ZNF326: variants seen among roughly 807,000 people sequenced by gnomAD.
ZNF326 encodes the protein DBIRD complex subunit ZNF326.
Under a neutral mutation model 63.1 loss-of-function variants are expected in ZNF326, and 30 were observed. The observed-to-expected ratio is 0.48, with a 90% CI of 0.36 to 0.64. The LOEUF (loss-of-function observed/expected upper bound fraction) is 0.64. Ranked by LOEUF, ZNF326 falls within the 30% of genes least tolerant of loss-of-function variation. ZNF326 has a pLI of 0.00. For synonymous variants in ZNF326, 194 were observed against 228.2 expected, an observed-to-expected ratio of 0.85 and a Z score of 1.35; for missense variants, 609 against 720.3, an observed-to-expected ratio of 0.85 and a Z score of 1.77.
intron 6 of ZNF326, among the ~76,000 whole-genome samples, chr1:90,011,575 C>G (rs1347373339): frequency 7.0e-6 from 1 of 142,372 alleles, no homozygotes; most frequent in Non-Finnish European, 1.5e-5. Flanking sequence ...AAAGAACCTG[C>G]TCACAGTGAG....
At chr1:90,000,307 G>C (rs921287493) in intron 2 of ZNF326, among the ~76,000 whole-genome samples, 3 of 152,186 alleles carry the variant, frequency 2.0e-5, no homozygotes, top group African/African-American at 4.8e-5. Context: ...GCAAGATACA[G>C]ATTTTCCCCA....
chr1:90,008,167 T>C (rs1366300580), intron 5 of ZNF326, among the ~76,000 whole-genome samples: 1 of 152,218 alleles, frequency 6.6e-6, no homozygotes, highest in African/African-American at 2.4e-5. Flanking sequence ...GGCTAAACTC[T>C]AGCAAGTAGA....
chr1:90,013,043 A>C (rs886488898), intron 6 of ZNF326, 83 bp from the exon 7 acceptor site: 2 of 1,188,456 alleles, frequency 1.7e-6, no homozygotes, highest in African/African-American at 3.1e-5. Context: ...ATACCTCATA[A>C]GTATGTACTT....
intron 9 of ZNF326, 53 bp downstream of exon 9, chr1:90,018,837 A>G (rs1649623999): frequency 1.8e-6 from 2 of 1,092,956 alleles, no homozygotes; most frequent in Non-Finnish European, 2.6e-6. Context: ...TTTATATATC[A>G]TAACCTGTTT....
chr1:90,017,147 A>T (rs943092209), intron 7 of ZNF326, among the ~76,000 whole-genome samples, 170 bp from the exon 8 acceptor site: 5 of 152,222 alleles, frequency 3.3e-5, no homozygotes, highest in Admixed American at 2.0e-4. Flanking sequence ...CTGTCCAAAT[A>T]TGTACTTAAA....
intron 7 of ZNF326, among the ~76,000 whole-genome samples, chr1:90,015,516 C>CA (rs945991666): frequency 3.3e-5 from 5 of 151,978 alleles, no homozygotes; most frequent in African/African-American, 1.2e-4. Context: ...CTCATTTCTA[C>CA]AAAAAATACA....
rs138323304 is a variant in ZNF326 at position 90,005,163 on chromosome 1, A to G, written c.128A>G (p.Tyr43Cys). The G allele has an allele frequency of 4.4e-5, 71 of 1,613,908 alleles. No individual in the cohort carries two copies. The highest frequency in any genetic ancestry group is 5.3e-5 in the Non-Finnish European group (63 of 1,179,976). ...GATCGTGACTATGGCCATGGATCCTATGGGGGTCAGAGATCCATGGATTCC... is the reference window on the plus strand; with the variant it reads ...GATCGTGACTATGGCCATGGATCCTGTGGGGGTCAGAGATCCATGGATTCC... ...GMDRDYGHGS[Y>C]GGQRSMDSYL... is the part of the protein sequence containing the mutation. The change falls in exon 4 of 12, where the codon TAT (tyrosine) becomes TGT (cysteine). Residue 43 changes from tyrosine to cysteine, a missense_variant. Tyr to Cys is a radical substitution (Grantham distance 194, BLOSUM62 -2). This residue lies in a region of ZNF326 where 97 missense variants were observed against 88.7 expected (regional missense o/e 1.09). Transcript: ENST00000340281.
At chr1:90,020,379 T>C (rs980968371) in intron 9 of ZNF326, among the ~76,000 whole-genome samples, 1 of 152,120 alleles carries the variant, frequency 6.6e-6, no homozygotes, top group African/African-American at 2.4e-5. Flanking sequence ...GGTCACCATT[T>C]GCAAGATCCA....
chr1:90,027,874 C>A lies in ZNF326; in HGVS notation c.*173C>A. ...TAACATTTGTTTAATAAAATGAAGGCAAAACTATTTTAGTTTAGTTTTTAT... is the reference window on the plus strand; with the variant it reads ...TAACATTTGTTTAATAAAATGAAGGAAAAACTATTTTAGTTTAGTTTTTAT... On this transcript the variant is annotated 3_prime_UTR_variant, in exon 12 of 12. Transcript: ENST00000340281. The A allele has an allele frequency of 1.6e-6, 1 of 623,958 alleles. No homozygotes were observed. 38.7% of individuals were successfully genotyped at this position (623,958 alleles called of 1,614,324 possible).
At chr1:89,998,384 ATTATT>A (rs1416324388) in intron 2 of ZNF326, among the ~76,000 whole-genome samples, 2 of 152,094 alleles carry the variant, frequency 1.3e-5, no homozygotes, top group African/African-American at 4.8e-5. Flanking sequence ...TTGAATTATG[ATTATT>A]TTAATGTGTT....
In ZNF326 at chr1:90,030,903, C is replaced by T. The variant is rs1479315209; in HGVS notation, c.*3202C>T. On this transcript the variant is annotated 3_prime_UTR_variant, in exon 12 of 12. Transcript: ENST00000340281. ...TCTTGAACTCCTGGACACAAGCAGT[C>T]CTCCCACCTCAGCTTCCCAAAGTGC... The T allele has an allele frequency of 6.6e-6, 1 of 152,218 alleles. No homozygotes were observed. Among genetic ancestry groups the T allele is most frequent in the Non-Finnish European group, 1.5e-5 (1 of 68,094 alleles). The allele number at this position is 152,218 out of a possible 1,614,324, so 9.4% of individuals were successfully genotyped here.
rs957208625 is a variant in ZNF326 at position 90,033,800 on chromosome 1, A to G, written c.*6099A>G. 6 of 152,180 alleles carry G rather than the reference A, an allele frequency of 3.9e-5. No individual in the cohort carries two copies. The highest frequency in any genetic ancestry group is 7.4e-5 in the Non-Finnish European group (5 of 68,010). 9.4% of individuals were successfully genotyped at this position (152,180 alleles called of 1,614,324 possible). ...CTTCATGAGATTAAGAGCCATATGT[A>G]TAGAGAATTCACCATTGAATACCCT... On this transcript the variant is annotated 3_prime_UTR_variant, in exon 12 of 12. Transcript: ENST00000340281.
chr1:90,013,899 T>TA (rs1290483603), intron 7 of ZNF326, among the ~76,000 whole-genome samples: 1 of 151,516 alleles, frequency 6.6e-6, no homozygotes, highest in Admixed American at 6.6e-5. Flanking sequence ...CCGTCTCTAC[T>TA]AAAAAAATAC....
chr1:90,021,416 C>G (rs1206629742), intron 10 of ZNF326, among the ~76,000 whole-genome samples: 1 of 151,968 alleles, frequency 6.6e-6, no homozygotes. Context: ...TTGATTATTA[C>G]TGATACATTT....
At position 90,022,265 on chromosome 1, in the gene ZNF326, A is replaced by G. The variant is rs150759616; in HGVS notation, c.1321A>G (p.Ile441Val). The G allele has an allele frequency of 8.7e-6, 14 of 1,611,746 alleles. No individual in the cohort carries two copies. In the African/African-American group the frequency reaches 1.7e-4, roughly 20 times the overall value. The part of the protein sequence containing the change: ...IKGKQAYKEQ[I>V]KRESVLTATS... ...TTTTTTATAGGCTTATAAGGAACAA[A>G]TAAAAAGAGAGAGTGTCTTGACTGC... The change falls in exon 11 of 12, where the codon ATA (isoleucine) becomes GTA (valine). Residue 441 changes from isoleucine (I) to valine (V), a missense_variant. By Grantham distance (29) the Ile-to-Val change is conservative. Coordinates refer to ENST00000340281, the MANE Select transcript of ZNF326 (RefSeq NM_182976.4).
At chr1:90,022,544 T>C (rs941745419) in intron 11 of ZNF326, among the ~76,000 whole-genome samples, 199 bp downstream of exon 11, 4 of 152,204 alleles carry the variant, frequency 2.6e-5, no homozygotes, top group Admixed American at 2.0e-4. Flanking sequence ...TCCTCTCTTA[T>C]CACCTTTGTA....
At chr1:90,010,421 TC>T (rs1286459401) in intron 6 of ZNF326, 135 bp downstream of exon 6, 3 of 911,856 alleles carry the variant, frequency 3.3e-6, no homozygotes, top group Middle Eastern at 6.5e-4. Context: ...GATCTGTAAA[TC>T]CCCTATTGCA....
intron 10 of ZNF326, among the ~76,000 whole-genome samples, 198 bp downstream of exon 10, chr1:90,021,120 C>G (rs549581110): frequency 6.6e-6 from 1 of 152,020 alleles, no homozygotes; most frequent in Non-Finnish European, 1.5e-5. Context: ...GTTGTTCAAT[C>G]TATAACATGT....
Position 89,995,191 on chromosome 1 carries a change from G to A in ZNF326, c.-67G>A, listed in dbSNP as rs1054463797. ...GAGTGATCGTGTGGAATCGCGGGTC[G>A]CGGACGCTCGCCGCCGGCCATAGCT... is the stretch of plus-strand genomic sequence containing the variant. On this transcript the variant is annotated 5_prime_UTR_variant, in exon 1 of 12. Transcript: ENST00000340281. 2.0e-6 allele frequency: 3 copies of A among 1,515,532 alleles called. No homozygotes were observed. In the African/African-American group the frequency reaches 4.3e-5, roughly 22 times the overall value. The allele number at this position is 1,515,532 out of a possible 1,614,324, so 93.9% of individuals were successfully genotyped here. A position where few individuals can be genotyped will look rare whatever the true frequency, so the allele number is the denominator to read the frequency against.
Sources: gnomAD v4.1 joint callset for allele counts (sites outside exome capture counted in the v4.1 genomes callset) on GRCh38, gnomAD v4.1.1 for gene constraint, gnomAD v4.1.1 regional missense constraint, MANE v1.5 for transcripts, NCBI Gene and HGNC (gene_info 2026-07-23, HGNC 2026-07-21) for gene names.